Variants in ERICH6 observed in about 807,000 individuals in gnomAD.
The protein encoded by ERICH6 is glutamate-rich protein 6.
Under a neutral mutation model 71.0 loss-of-function variants are expected in ERICH6, and 71 were observed. The observed-to-expected ratio is 1.00, with a 90% CI of 0.83 to 1.22. The LOEUF is 1.22. Ranked by LOEUF, ERICH6 falls within the 50% of genes most tolerant of loss-of-function variation. The probability of loss-of-function intolerance (pLI) is 0.00; values close to 1 mark genes in which losing one functional copy is unlikely to be tolerated. For synonymous variants in ERICH6, 262 were observed against 278.4 expected (o/e 0.94, Z 0.59); for missense variants, 808 against 797.2 (o/e 1.01, Z -0.16).
intron 1 of ERICH6, among the ~76,000 whole-genome samples, chr3:150,702,889 AGTGTGTGTGTGT>A (rs10663390): frequency 2.6e-5 from 3 of 113,418 alleles, no homozygotes; most frequent in African/African-American, 1.0e-4. Flanking sequence ...AAATAATATG[AGTGTGTGTGTGT>A]GTGTGTGTGT....
chr3:150,688,825 T>G (rs1446108153), intron 3 of ERICH6, among the ~76,000 whole-genome samples: 1 of 152,252 alleles, frequency 6.6e-6, no homozygotes, highest in Non-Finnish European at 1.5e-5. Flanking sequence ...ATATGTTGAT[T>G]GATGTCTCAT....
At chr3:150,703,184 C>T (rs1327177201) in intron 1 of ERICH6, among the ~76,000 whole-genome samples, 1 of 151,312 alleles carries the variant, frequency 6.6e-6, no homozygotes, top group African/African-American at 2.4e-5. Context: ...AGGCTGCAGC[C>T]ACTGCACTCC....
At chr3:150,694,576 T>C (rs1292419246) in intron 3 of ERICH6, among the ~76,000 whole-genome samples, 1 of 152,204 alleles carries the variant, frequency 6.6e-6, no homozygotes, top group African/African-American at 2.4e-5. Context: ...AACACGTGGA[T>C]TACCACTTCG....
In ERICH6 at chr3:150,680,498, A is replaced by T; in HGVS notation, c.1081T>A (p.Ser361Thr). ...TCAGAGAAATGAGTCTGTTCCCTTG[A>T]TATTATTGCAAAATGTCTGGCCATT... Reference protein sequence around the residue: ...QRMARHFAIISREQTHFSEDD... With the variant: ...QRMARHFAIITREQTHFSEDD... The change falls in exon 9 of 14, where the codon TCA becomes ACA. Residue 361 changes from serine to threonine, a missense_variant. By Grantham distance (58) the Ser-to-Thr change is moderately conservative (BLOSUM62 1). This residue lies in a region of ERICH6 where 736 missense variants were observed against 712.2 expected (regional missense o/e 1.03). Transcript: ENST00000295910. The T allele has an allele frequency of 6.2e-7, 1 of 1,614,212 alleles. No individual in the cohort carries two copies. The highest frequency in any genetic ancestry group is 8.5e-7 in the Non-Finnish European group (1 of 1,180,030).
intron 10 of ERICH6, among the ~76,000 whole-genome samples, chr3:150,675,981 CA>C (rs1277877225): frequency 6.9e-6 from 1 of 145,258 alleles, no homozygotes; most frequent in Non-Finnish European, 1.5e-5. Context: ...TCTCTTTTAT[CA>C]GTTTTGAAAA....
Position 150,702,197 on chromosome 3 carries a change from A to T in ERICH6, c.404-19T>A. 1 of 1,544,306 alleles carries T rather than the reference A, an allele frequency of 6.5e-7. No individual in the cohort carries two copies. Among genetic ancestry groups the T allele is most frequent in the Non-Finnish European group, 8.9e-7 (1 of 1,125,130 alleles). On this transcript the variant is annotated intron_variant, in intron 1 of 13. Coordinates refer to ENST00000295910, the MANE Select transcript of ERICH6 (RefSeq NM_152394.5). The stretch of plus-strand genomic sequence containing the variant: ...GGGAAACCTGTTGAATGAAACATTT[A>T]AAAATCAGCTATTCCCTCTAAATCA...
intron 12 of ERICH6, among the ~76,000 whole-genome samples, chr3:150,667,292 G>A (rs1727459784): frequency 6.6e-6 from 1 of 152,068 alleles, no homozygotes; most frequent in African/African-American, 2.4e-5. Flanking sequence ...GAGGGAGCAG[G>A]GAAGGCTTAG....
At chr3:150,696,933 C>T (rs780914164) in intron 3 of ERICH6, among the ~76,000 whole-genome samples, 1 of 152,092 alleles carries the variant, frequency 6.6e-6, no homozygotes, top group Admixed American at 6.5e-5. Context: ...CAGCAATACT[C>T]GGTGTGTACA....
At chr3:150,663,860 G>A (rs1285655241) in intron 13 of ERICH6, among the ~76,000 whole-genome samples, 1 of 152,130 alleles carries the variant, frequency 6.6e-6, no homozygotes, top group East Asian at 1.9e-4. Context: ...AAGTTCATAG[G>A]AGATCTACCT....
chr3:150,682,667 T>C (rs1343723539), intron 6 of ERICH6, among the ~76,000 whole-genome samples: 1 of 152,186 alleles, frequency 6.6e-6, no homozygotes, highest in Non-Finnish European at 1.5e-5. Context: ...TGTACCTAGA[T>C]GCAAGAGATA....
intron 3 of ERICH6, among the ~76,000 whole-genome samples, chr3:150,692,784 C>G (rs578190805): frequency 6.6e-6 from 1 of 151,928 alleles, no homozygotes; most frequent in African/African-American, 2.4e-5. Context: ...TTTTGTCGTC[C>G]CCAGACAATT....
In ERICH6 at chr3:150,685,846, A is replaced by C; in HGVS notation, c.679T>G (p.Phe227Val). 6.2e-7 allele frequency: 1 copy of C among 1,613,838 alleles called. No homozygotes were observed. Among genetic ancestry groups the C allele is most frequent in the Non-Finnish European group, 8.5e-7 (1 of 1,179,950 alleles). The part of the protein sequence containing the change: ...ILYELEFKED[F>V]ITLFEPSLRT... ...AGAGAAGGCTCGAACAGTGTTATGA[A>C]GTCTTCCTTAAACTAAATTTAAAAA... The change falls in exon 6 of 14, where the codon TTC (phenylalanine) becomes GTC (valine). Residue 227 changes from phenylalanine (F) to valine (V), a missense_variant. By Grantham distance (50) the Phe-to-Val change is conservative. Coordinates refer to ENST00000295910, the MANE Select transcript of ERICH6 (RefSeq NM_152394.5).
intron 3 of ERICH6, among the ~76,000 whole-genome samples, chr3:150,692,175 TATATC>T (rs1353226515): frequency 1.3e-5 from 2 of 152,190 alleles, no homozygotes; most frequent in Non-Finnish European, 2.9e-5. Context: ...TTATGGAAGT[TATATC>T]TTATCTTATA....
Position 150,681,090 on chromosome 3 carries a change from T to C in ERICH6, c.883-160A>G, listed in dbSNP as rs546754512. ...ATTCACATACCATACAATTCACCCA[T>C]TTAAAAAGTACAATTCATTTGTTTT... On this transcript the variant is annotated intron_variant, in intron 7 of 13. Coordinates refer to ENST00000295910, the MANE Select transcript of ERICH6 (RefSeq NM_152394.5). 2.6e-3 allele frequency among the ~76,000 whole-genome samples: 400 copies of C among 151,252 alleles called. 2 individuals are homozygous for C. Among genetic ancestry groups the C allele is most frequent in the African/African-American group, 9.1e-3 (369 of 40,518 alleles).
At chr3:150,690,026 T>A (rs1000843346) in intron 3 of ERICH6, among the ~76,000 whole-genome samples, 4 of 151,826 alleles carry the variant, frequency 2.6e-5, no homozygotes, top group African/African-American at 4.8e-5. Context: ...TTAAAAAAAA[T>A]TTTTTTTTAC....
chr3:150,661,712 G>A (rs1727230051), intron 13 of ERICH6, among the ~76,000 whole-genome samples: 1 of 152,130 alleles, frequency 6.6e-6, no homozygotes, highest in Non-Finnish European at 1.5e-5. Flanking sequence ...AAAATATAGT[G>A]TATTAAAAGA....
intron 13 of ERICH6, among the ~76,000 whole-genome samples, chr3:150,660,993 C>T (rs1727202150): frequency 6.6e-6 from 1 of 152,116 alleles, no homozygotes; most frequent in South Asian, 2.1e-4. Context: ...AATCTTTTAC[C>T]CCAAATATCA....
At chr3:150,702,246 G>A in intron 1 of ERICH6, 68 bp from the exon 2 acceptor site, 1 of 738,058 alleles carries the variant, frequency 1.4e-6, no homozygotes, top group South Asian at 1.7e-5. Flanking sequence ...ACCCCCCCCA[G>A]GAACACATGG....
intron 7 of ERICH6, among the ~76,000 whole-genome samples, chr3:150,681,807 C>CTTTTT (rs34909258): frequency 0.01 from 715 of 70,302 alleles, 36 homozygotes; most frequent in Middle Eastern, 0.024. Flanking sequence ...ACACATAACT[C>CTTTTT]TTTTTTTTTT....
Sources: allele counts gnomAD v4.1 joint callset (sites outside exome capture counted in the v4.1 genomes callset), GRCh38; gene constraint gnomAD v4.1.1; regional missense constraint gnomAD v4.1.1; transcripts MANE v1.5; gene names NCBI Gene and HGNC (gene_info 2026-07-23, HGNC 2026-07-21).